Variants in KAZN observed in about 807,000 individuals in gnomAD.
KAZN encodes kazrin.
Under a neutral mutation model 87.4 loss-of-function variants are expected in KAZN, and 40 were observed. The observed-to-expected ratio is 0.46, with a 90% CI of 0.36 to 0.60. The LOEUF is 0.60. Among genes scored for constraint, KAZN ranks in the 20% least tolerant of loss-of-function variants. KAZN has a pLI of 0.00. For missense variants in KAZN, 898 were observed against 1,073.9 expected (o/e 0.84, Z 2.29); for synonymous variants, 466 against 458.3 (o/e 1.02, Z -0.22).
At chr1:14,525,992 T>C (rs550756867) in intron 2 of KAZN, among the ~76,000 whole-genome samples, 1 of 152,316 alleles carries the variant, frequency 6.6e-6, no homozygotes, top group East Asian at 1.9e-4. Context: ...AGGGGGATGA[T>C]GCCTGGTACC....
chr1:15,066,603 C>G lies in KAZN; in HGVS notation c.1222+850C>G, dbSNP rs974454553. The G allele has an allele frequency of 2.0e-6, 2 of 983,266 alleles. No individual in the cohort carries two copies. The highest frequency in any genetic ancestry group is 3.5e-5 in the African/African-American group (2 of 57,246). The allele number at this position is 983,266 out of a possible 1,614,324, so 60.9% of individuals were successfully genotyped here. Reference sequence around the variant, plus strand: ...AAAATTGTTTCATTTAATTTATTTGCACAAATGCTGAAAACTTATTCTATC... The same window carrying G: ...AAAATTGTTTCATTTAATTTATTTGGACAAATGCTGAAAACTTATTCTATC... On this transcript the variant is annotated intron_variant, in intron 8 of 14. Coordinates refer to ENST00000376030, the MANE Select transcript of KAZN (RefSeq NM_201628.3). This position sits in a 1 kb window ranked among gnomAD's most constrained non-coding sequence, Gnocchi z 4.3.
At chr1:14,714,797 G>GTTTTTTTTTT (rs537512664) in intron 1 of KAZN, among the ~76,000 whole-genome samples, 1 of 120,550 alleles carries the variant, frequency 8.3e-6, no homozygotes, top group African/African-American at 3.2e-5. Flanking sequence ...TTTTTTTTTT[G>GTTTTTTTTTT]TTTTTTTTTT....
intron 2 of KAZN, among the ~76,000 whole-genome samples, chr1:14,494,756 A>C (rs1669853309): frequency 6.6e-6 from 1 of 152,248 alleles, no homozygotes; most frequent in Non-Finnish European, 1.5e-5. Context: ...AAATATGTCC[A>C]GAGTGGACAA....
rs903655562 is a variant in KAZN at position 14,515,135 on chromosome 1, C to T, written c.250-83848C>T. Among the ~76,000 whole-genome samples the T allele has an allele frequency of 3.3e-5, 5 of 152,158 alleles. 1 individual carries two copies. The highest frequency in any genetic ancestry group is 1.2e-4 in the African/African-American group (5 of 41,444). Reference sequence around the variant, plus strand: ...TCCCTAAATCCACCTGACACTAGGTCATAATTCTCTCTCTTACCAATGAAA... The same window carrying T: ...TCCCTAAATCCACCTGACACTAGGTTATAATTCTCTCTCTTACCAATGAAA... On this transcript the variant is annotated intron_variant, in intron 2 of 16. Coordinates refer to the KAZN transcript ENST00000636203.
chr1:13,952,263 G>A (rs1641373902), intron 1 of KAZN, among the ~76,000 whole-genome samples: 1 of 151,722 alleles, frequency 6.6e-6, no homozygotes, highest in Admixed American at 6.6e-5. Context: ...ACACACTGTA[G>A]GATGTTGTCA....
At chr1:15,044,294 C>A in intron 4 of KAZN, 135 bp downstream of exon 4, 1 of 908,078 alleles carries the variant, frequency 1.1e-6, no homozygotes, top group Non-Finnish European at 1.6e-6. Flanking sequence ...AAGCAGGGGG[C>A]AGGGCCCGCC....
At chr1:14,482,084 G>A (rs920878347) in intron 2 of KAZN, among the ~76,000 whole-genome samples, 1 of 152,212 alleles carries the variant, frequency 6.6e-6, no homozygotes, top group Non-Finnish European at 1.5e-5. Context: ...CGGACAGCTT[G>A]AGGAGCATGC....
At chr1:14,423,261 C>G (rs1429704575) in intron 2 of KAZN, among the ~76,000 whole-genome samples, 1 of 152,146 alleles carries the variant, frequency 6.6e-6, no homozygotes. Context: ...GAAAATTGGT[C>G]AGATTTAAAA....
At chr1:14,067,628 G>T (rs771420136) in intron 1 of KAZN, among the ~76,000 whole-genome samples, 1 of 149,978 alleles carries the variant, frequency 6.7e-6, no homozygotes, top group Non-Finnish European at 1.5e-5. Context: ...CCACCCTTCT[G>T]TCTGTCCCCC....
At chr1:15,072,839 C>T (rs554698240) in intron 8 of KAZN, among the ~76,000 whole-genome samples, 52 of 152,300 alleles carry the variant, frequency 3.4e-4, no homozygotes, top group African/African-American at 1.2e-3. Flanking sequence ...CAAGCCCCCT[C>T]TCAGGGCCTG....
chr1:15,011,926 T>C (rs939718917), intron 2 of KAZN, among the ~76,000 whole-genome samples: 11 of 152,028 alleles, frequency 7.2e-5, no homozygotes, highest in African/African-American at 2.2e-4. Context: ...CCCTCCTCTG[T>C]GTGAATGAGT....
Position 14,327,319 on chromosome 1 carries a change from A to G in KAZN, c.249+146727A>G, listed in dbSNP as rs1299026029. ...GCCAGCAGGTTGGAAACCTCTGACC[A>G]CACACCTCCTGAGCCCCAGCCACCA... On this transcript the variant is annotated intron_variant, in intron 2 of 16. Transcript: ENST00000636203. Among the ~76,000 whole-genome samples the G allele has an allele frequency of 5.9e-5, 9 of 152,248 alleles. No individual in the cohort carries two copies. In the East Asian group the frequency reaches 1.7e-3, roughly 29 times the overall value.
At chr1:14,067,890 T>G (rs2101543632) in intron 1 of KAZN, among the ~76,000 whole-genome samples, 1 of 152,340 alleles carries the variant, frequency 6.6e-6, no homozygotes, top group African/African-American at 2.4e-5. Flanking sequence ...GCTCCCAGCA[T>G]TGTCCTCACA....
chr1:14,371,875 A>G (rs1005437689), intron 2 of KAZN, among the ~76,000 whole-genome samples: 5 of 152,228 alleles, frequency 3.3e-5, no homozygotes, highest in Non-Finnish European at 5.9e-5. Context: ...AGTTTTCACA[A>G]TGGCGGTGAG....
chr1:14,975,386 G>C (rs1438531290), intron 2 of KAZN, among the ~76,000 whole-genome samples: 1 of 152,222 alleles, frequency 6.6e-6, no homozygotes, highest in Non-Finnish European at 1.5e-5. Context: ...CCTGGAGCCT[G>C]ATGTTGGAGC....
intron 1 of KAZN, among the ~76,000 whole-genome samples, chr1:13,978,297 C>T (rs1172628631): frequency 6.6e-6 from 1 of 152,018 alleles, no homozygotes; most frequent in Non-Finnish European, 1.5e-5. Context: ...TTCACCATGT[C>T]TGGCATTTAA....
At chr1:15,034,123 T>G (rs376118818) in intron 2 of KAZN, among the ~76,000 whole-genome samples, 4 of 152,258 alleles carry the variant, frequency 2.6e-5, no homozygotes, top group Admixed American at 1.3e-4. Flanking sequence ...GCTTATGAGA[T>G]ACAGGATTTG....
At chr1:14,442,185 G>GA (rs751169630) in intron 2 of KAZN, among the ~76,000 whole-genome samples, 9 of 152,374 alleles carry the variant, frequency 5.9e-5, no homozygotes, top group Non-Finnish European at 1.2e-4. Flanking sequence ...TGATGATTTA[G>GA]AAAGCCTCAT....
At chr1:14,215,450 A>G (rs1304806516) in intron 2 of KAZN, among the ~76,000 whole-genome samples, 2 of 152,188 alleles carry the variant, frequency 1.3e-5, no homozygotes, top group Non-Finnish European at 2.9e-5. Context: ...CAGTGCTTAC[A>G]TATTCCCATT....
Sources: allele counts gnomAD v4.1 joint callset (sites outside exome capture counted in the v4.1 genomes callset), GRCh38; gene constraint gnomAD v4.1.1; non-coding constraint Gnocchi (gnomAD v3.1); transcripts MANE v1.5; gene names NCBI Gene and HGNC (gene_info 2026-07-23, HGNC 2026-07-21).